The following EP400 variants were observed in gnomAD, a reference collection of about 807,000 sequenced individuals.
The protein encoded by EP400 is E1A binding protein p400, also known as E1A-binding protein p400.
In EP400, 105 loss-of-function variants were observed where a neutral mutation model predicts 354.1. That is an observed-to-expected ratio of 0.30 (90% confidence interval 0.25 to 0.35). EP400 has a LOEUF of 0.35. Among genes scored for constraint, EP400 ranks in the 10% least tolerant of loss-of-function variants. The pLI is 1.00. For missense variants in EP400, 3,280 were observed against 4,121.0 expected, an observed-to-expected ratio of 0.80 and a Z score of 5.59; for synonymous variants, 1,646 against 1,716.9, an observed-to-expected ratio of 0.96 and a Z score of 1.02.
chr12:132,038,697 T>C lies in EP400; in HGVS notation c.6207+601T>C, dbSNP rs1593365706. Among the ~76,000 whole-genome samples, 1 of 152,360 alleles carries C rather than the reference T, an allele frequency of 6.6e-6. No homozygotes were observed. Among genetic ancestry groups the C allele is most frequent in the East Asian group, 1.9e-4 (1 of 5,178 alleles). On this transcript the variant is annotated intron_variant, in intron 32 of 52. Coordinates refer to ENST00000389561, the MANE Select transcript of EP400 (RefSeq NM_015409.5). This position sits in a 1 kb window ranked among gnomAD's most constrained non-coding sequence, Gnocchi z 4.2. Reference sequence around the variant, plus strand: ...GTTTGGGTCCTTTGATTTTTCCCTTTTGGGGGTGCTGCTGTGTAGACATGT... The same window carrying C: ...GTTTGGGTCCTTTGATTTTTCCCTTCTGGGGGTGCTGCTGTGTAGACATGT...
chr12:132,073,228 C>CTT (rs56108246), intron 51 of EP400, among the ~76,000 whole-genome samples: 20 of 125,438 alleles, frequency 1.6e-4, no homozygotes, highest in East Asian at 2.3e-4. Context: ...GCCACCTTCT[C>CTT]TTTTTTTTTT....
chr12:132,064,885 T>C lies in EP400; in HGVS notation c.8552T>C (p.Leu2851Pro). ...GTGGCCAACCTCCAGGTGGCCCGGC[T>C]CGTAAGTGTCAGTTTCTGTTTGTTT... ...TTVANLQVARLTRVPTSQLQA... is the reference protein window; with the variant it reads ...TTVANLQVARPTRVPTSQLQA... The change falls in exon 48 of 53, where the codon CTC becomes CCC. Residue 2851 changes from leucine to proline, a missense_variant and splice_region_variant. This residue lies in a region of EP400 where 279 missense variants were observed against 386.7 expected (regional missense o/e 0.72). Coordinates refer to ENST00000389561, the MANE Select transcript of EP400 (RefSeq NM_015409.5). 6.2e-7 allele frequency: 1 copy of C among 1,603,102 alleles called. No individual in the cohort carries two copies. Among genetic ancestry groups the C allele is most frequent in the Non-Finnish European group, 8.5e-7 (1 of 1,175,438 alleles).
chr12:131,979,478 T>C (rs1233727662), intron 2 of EP400, among the ~76,000 whole-genome samples: 1 of 152,204 alleles, frequency 6.6e-6, no homozygotes, highest in Non-Finnish European at 1.5e-5. Context: ...ATATGTCTTT[T>C]ACAAGTCTTT....
rs986377226 is a variant in EP400, at chr12:132,029,591, G to T, written c.5382-110G>T. 2.4e-6 allele frequency: 3 copies of T among 1,262,688 alleles called. No individual in the cohort carries two copies. Among genetic ancestry groups the T allele is most frequent in the Admixed American group, 2.0e-5 (1 of 50,408 alleles). 78.2% of individuals were successfully genotyped at this position (1,262,688 alleles called of 1,614,324 possible). On this transcript the variant is annotated intron_variant, in intron 27 of 52. Transcript: ENST00000389561. This position sits in a 1 kb window ranked among gnomAD's most constrained non-coding sequence, Gnocchi z 4.7. ...CCATGTGACTGGGTTGAGCCCTGCT[G>T]TTTCCTGGGACTTGGACTGTCAGAA...
At chr12:131,960,493 T>C (rs531179295) in intron 1 of EP400, 92 bp from the exon 2 acceptor site, 2 of 1,211,046 alleles carry the variant, frequency 1.7e-6, no homozygotes, top group Admixed American at 2.8e-5. Flanking sequence ...GCGGTGGGAA[T>C]GTACTTTCAA....
chr12:132,029,546 G>A lies in EP400; in HGVS notation c.5382-155G>A, dbSNP rs562033925. Reference sequence around the variant, plus strand: ...GATCTGCCTCGTTGGGCCCCTGCCCGTGTGCCAACACCCACATCCCCATGT... The same window carrying A: ...GATCTGCCTCGTTGGGCCCCTGCCCATGTGCCAACACCCACATCCCCATGT... On this transcript the variant is annotated intron_variant, in intron 27 of 52. Coordinates refer to ENST00000389561, the MANE Select transcript of EP400 (RefSeq NM_015409.5). This position sits in a 1 kb window ranked among gnomAD's most constrained non-coding sequence, Gnocchi z 4.7. The A allele has an allele frequency of 7.3e-5, 57 of 784,518 alleles. No homozygotes were observed. Among genetic ancestry groups the A allele is most frequent in the African/African-American group, 6.9e-5 (4 of 57,628 alleles). The allele number at this position is 784,518 out of a possible 1,614,324, so 48.6% of individuals were successfully genotyped here. A position where few individuals can be genotyped will look rare whatever the true frequency, so the allele number is the denominator to read the frequency against.
At position 132,002,756 on chromosome 12, in the gene EP400, G is replaced by A. The variant is rs572013968; in HGVS notation, c.2828-2321G>A. ...CATTCTCACATATGGTGGTCACACC[G>A]GTCAGGCCAGGTCAGTGTGGGAGAG... On this transcript the variant is annotated intron_variant, in intron 12 of 52. Transcript: ENST00000389561. 5.3e-5 allele frequency among the ~76,000 whole-genome samples: 8 copies of A among 152,320 alleles called. No individual in the cohort carries two copies. In the South Asian group the frequency reaches 1.5e-3, roughly 28 times the overall value.
chr12:131,997,108 T>C (rs902028871), intron 12 of EP400, among the ~76,000 whole-genome samples: 23 of 152,110 alleles, frequency 1.5e-4, no homozygotes, highest in African/African-American at 5.1e-4. Context: ...CCTTGAACAA[T>C]GTGGGGATTA....
In EP400 at chr12:132,058,781, C is replaced by T. The variant is rs534165107; in HGVS notation, c.7885-3329C>T. Among the ~76,000 whole-genome samples the T allele has an allele frequency of 4.0e-5, 6 of 149,402 alleles. No homozygotes were observed. The South Asian group carries it at 8.4e-4, about 21-fold the overall frequency. ...GAGTAGAAGAGGCTAAGGAGAAAAACGATTTCTTCCTTTTTTTTTTTTTTT... is the reference window on the plus strand; with the variant it reads ...GAGTAGAAGAGGCTAAGGAGAAAAATGATTTCTTCCTTTTTTTTTTTTTTT... On this transcript the variant is annotated intron_variant, in intron 45 of 52. Coordinates refer to ENST00000389561, the MANE Select transcript of EP400 (RefSeq NM_015409.5).
intron 23 of EP400, 107 bp downstream of exon 23, chr12:132,021,428 TC>T: frequency 7.2e-7 from 1 of 1,387,980 alleles, no homozygotes; most frequent in Non-Finnish European, 9.4e-7. Flanking sequence ...CCTTTGTCTT[TC>T]CCCAGCCCCA....
intron 11 of EP400, among the ~76,000 whole-genome samples, 170 bp downstream of exon 11, chr12:131,992,400 A>C (rs1332511450): frequency 6.6e-6 from 1 of 152,174 alleles, no homozygotes; most frequent in African/African-American, 2.4e-5. Context: ...GTATCTCTAG[A>C]GGACTTGGGA....
Position 132,062,224 on chromosome 12 carries a change from G to A in EP400, c.7999G>A (p.Val2667Ile), listed in dbSNP as rs1895718719. Residue 2667 changes from valine (V) to isoleucine (I), a missense_variant, in exon 46 of 53, where the codon GTT (valine) becomes ATT (isoleucine). Val to Ile is a conservative substitution (Grantham distance 29, BLOSUM62 3). Around this residue, in one of 20 missense-constraint regions of EP400, gnomAD observed 255 missense variants for 295.9 expected, o/e 0.86. Transcript: ENST00000389561. Reference sequence around the variant, plus strand: ...GGTGTCCATGGCAACGACTCAGGGTGTTCGAGCGGTCACTTCTGTGACAGC... The same window carrying A: ...GGTGTCCATGGCAACGACTCAGGGTATTCGAGCGGTCACTTCTGTGACAGC... Reference protein sequence around the residue: ...DLVSMATTQGVRAVTSVTASA... With the variant: ...DLVSMATTQGIRAVTSVTASA... The A allele has an allele frequency of 6.2e-7, 1 of 1,614,228 alleles. No individual in the cohort carries two copies. The highest frequency in any genetic ancestry group is 8.5e-7 in the Non-Finnish European group (1 of 1,180,042).
intron 12 of EP400, among the ~76,000 whole-genome samples, chr12:131,995,387 T>G (rs1262228346): frequency 6.6e-6 from 1 of 151,692 alleles, no homozygotes; most frequent in Non-Finnish European, 1.5e-5. Context: ...CTTGACTGAA[T>G]GTACCGTTCA....
intron 4 of EP400, 50 bp downstream of exon 4, chr12:131,981,646 C>T (rs540635754): frequency 6.7e-7 from 1 of 1,497,004 alleles, no homozygotes; most frequent in East Asian, 2.4e-5. Context: ...AGGCAGCACA[C>T]TGCGGTTCCA....
In EP400 at chr12:131,990,117, G is replaced by C. The variant is rs369429930; in HGVS notation, c.2550+13G>C. On this transcript the variant is annotated intron_variant, in intron 8 of 52. Coordinates refer to ENST00000389561, the MANE Select transcript of EP400 (RefSeq NM_015409.5). The surrounding 1 kb of genome is among the most constrained non-coding windows in gnomAD (Gnocchi z 4.2). ...GAATATTGAACAGGCGAGTGCTGCC[G>C]TTGTCATGGGGTCGTAAGAATCAGT... The C allele has an allele frequency of 6.3e-7, 1 of 1,594,714 alleles. No individual in the cohort carries two copies. The highest frequency in any genetic ancestry group is 1.1e-5 in the South Asian group (1 of 88,558).
At chr12:132,021,024 G>T in intron 22 of EP400, 55 bp from the exon 23 acceptor site, 2 of 1,495,116 alleles carry the variant, frequency 1.3e-6, no homozygotes, top group South Asian at 2.6e-5. Flanking sequence ...TTAAAATATT[G>T]TATTTTATTA....
At chr12:131,989,246 G>C (rs549655474) in intron 7 of EP400, among the ~76,000 whole-genome samples, 14 of 152,350 alleles carry the variant, frequency 9.2e-5, no homozygotes, top group Admixed American at 7.8e-4. Flanking sequence ...CTGCAGCCAG[G>C]CCTGCCCTTC....
chr12:132,006,924 A>G, intron 15 of EP400, 47 bp downstream of exon 15: 1 of 1,605,532 alleles, frequency 6.2e-7, no homozygotes, highest in Non-Finnish European at 8.5e-7. Flanking sequence ...GCTAGGACTT[A>G]CCTATAGGCC....
At position 132,054,844 on chromosome 12, in the gene EP400, G is replaced by T; in HGVS notation, c.7729-130G>T. 1.1e-6 allele frequency: 1 copy of T among 928,518 alleles called. No individual in the cohort carries two copies. Among genetic ancestry groups the T allele is most frequent in the South Asian group, 1.5e-5 (1 of 68,392 alleles). 57.5% of individuals were successfully genotyped at this position (928,518 alleles called of 1,614,324 possible). ...ACCGCCAGGTGGAATGAGCTGGGGA[G>T]GATGGGACAGGTGGCTGTGTGAATG... is the stretch of plus-strand genomic sequence containing the variant. On this transcript the variant is annotated intron_variant, in intron 43 of 52. Transcript: ENST00000389561. The surrounding 1 kb of genome is among the most constrained non-coding windows in gnomAD (Gnocchi z 4.0).
Sources: gnomAD v4.1 joint callset for allele counts (sites outside exome capture counted in the v4.1 genomes callset) on GRCh38, gnomAD v4.1.1 for gene constraint, gnomAD v4.1.1 regional missense constraint, Gnocchi (gnomAD v3.1) non-coding constraint, MANE v1.5 for transcripts, NCBI Gene and HGNC (gene_info 2026-07-23, HGNC 2026-07-21) for gene names.